The following ADAMTS19 variants were observed in gnomAD, a reference collection of about 807,000 sequenced individuals.
The protein encoded by ADAMTS19 is A disintegrin and metalloproteinase with thrombospondin motifs 19.
ADAMTS19 carries 93 observed loss-of-function variants against 153.3 expected under a neutral mutation model. That is an observed-to-expected ratio of 0.61 (90% CI 0.51 to 0.72). ADAMTS19 has a LOEUF of 0.72. Among genes scored for constraint, ADAMTS19 ranks in the 30% least tolerant of loss-of-function variants. The pLI is 0.00. For synonymous variants in ADAMTS19, 600 were observed against 556.6 expected, an observed-to-expected ratio of 1.08 and a Z score of -1.10; for missense variants, 1,482 against 1,552.1, an observed-to-expected ratio of 0.95 and a Z score of 0.76.
chr5:129,606,645 T>G (rs1750909529), intron 8 of ADAMTS19, among the ~76,000 whole-genome samples: 1 of 152,212 alleles, frequency 6.6e-6, no homozygotes, highest in African/African-American at 2.4e-5. Flanking sequence ...AATTTGAAAT[T>G]CCTTAGCCTG....
intron 6 of ADAMTS19, among the ~76,000 whole-genome samples, chr5:129,533,571 G>C (rs984206442): frequency 6.6e-6 from 1 of 152,058 alleles, no homozygotes; most frequent in Non-Finnish European, 1.5e-5. Flanking sequence ...TTTTTTGAAG[G>C]ATTTTTTTGA....
intron 6 of ADAMTS19, among the ~76,000 whole-genome samples, chr5:129,547,707 G>A (rs186827974): frequency 0.025 from 3,782 of 150,398 alleles, 351 homozygotes; most frequent in African/African-American, 0.085. Flanking sequence ...AAAAGAGCCC[G>A]CATTGCCAAG....
chr5:129,549,663 A>C (rs1178446289), intron 6 of ADAMTS19, among the ~76,000 whole-genome samples: 1 of 151,318 alleles, frequency 6.6e-6, no homozygotes, highest in Non-Finnish European at 1.5e-5. Context: ...AGTATTGATT[A>C]TTCTACTTAA....
At chr5:129,685,937 C>T (rs778357548) in intron 18 of ADAMTS19, among the ~76,000 whole-genome samples, 14 of 152,000 alleles carry the variant, frequency 9.2e-5, no homozygotes, top group Non-Finnish European at 1.5e-4. Context: ...GATAGGTGTT[C>T]GGAAGTTACA....
rs1753014056 is a variant in ADAMTS19, at chr5:129,549,920, ATG to A, written c.1329-1942_1329-1941del. Among the ~76,000 whole-genome samples, 3 of 126,592 alleles carry A rather than the reference ATG, an allele frequency of 2.4e-5. No individual in the cohort carries two copies. The Admixed American group carries it at 2.4e-4, about 10-fold the overall frequency. The allele number at this position is 126,592 out of a possible 152,430, so 83.0% of individuals were successfully genotyped here. ...TATACATGTATCCGTATATGTATAT[ATG>A]TATCTATATATACATATACATGTAT... is the stretch of plus-strand genomic sequence containing the variant. On this transcript the variant is annotated intron_variant, in intron 6 of 22. Coordinates refer to ENST00000274487, the MANE Select transcript of ADAMTS19 (RefSeq NM_133638.6).
chr5:129,707,643 C>G (rs1301639052), intron 21 of ADAMTS19, among the ~76,000 whole-genome samples: 2 of 152,136 alleles, frequency 1.3e-5, no homozygotes, highest in African/African-American at 4.8e-5. Context: ...AGAGAAAACA[C>G]ACAAATCTCT....
intron 21 of ADAMTS19, among the ~76,000 whole-genome samples, chr5:129,721,073 G>T (rs1756987654): frequency 6.6e-6 from 1 of 152,178 alleles, no homozygotes; most frequent in Admixed American, 6.5e-5. Context: ...TTAGAAATTT[G>T]TGGATGGCTA....
At position 129,574,882 on chromosome 5, in the gene ADAMTS19, TTTA is replaced by T. The variant is rs1184011617; in HGVS notation, c.1373-21676_1373-21674del. 2.0e-5 allele frequency among the ~76,000 whole-genome samples: 3 copies of T among 151,796 alleles called. No homozygotes were observed. In the East Asian group the frequency reaches 5.8e-4, roughly 29 times the overall value. On this transcript the variant is annotated intron_variant, in intron 7 of 22. Transcript: ENST00000274487. ...TTGAAAAAAAAAATTAACGTGTTTA[TTTA>T]CTATGGCAATTTCCTCAATGTACAA... is the stretch of plus-strand genomic sequence containing the variant.
At chr5:129,676,052 T>A (rs770184191) in intron 16 of ADAMTS19, among the ~76,000 whole-genome samples, 24 of 151,634 alleles carry the variant, frequency 1.6e-4, no homozygotes, top group East Asian at 3.9e-4. Context: ...ATAATAATAA[T>A]AAAAAAAAGC....
chr5:129,507,661 C>CGT (rs71749669), intron 2 of ADAMTS19, among the ~76,000 whole-genome samples: 2,038 of 142,292 alleles, frequency 0.014, 27 homozygotes, highest in African/African-American at 0.03. Flanking sequence ...TGCCTGTGTA[C>CGT]GTGTGTGTGT....
chr5:129,553,019 C>T (rs987494402), intron 7 of ADAMTS19, among the ~76,000 whole-genome samples: 3 of 152,082 alleles, frequency 2.0e-5, no homozygotes, highest in African/African-American at 7.2e-5. Context: ...ACTCTCTTGC[C>T]TGCTTCCCCC....
At chr5:129,674,118 C>G (rs1440065035) in intron 16 of ADAMTS19, among the ~76,000 whole-genome samples, 1 of 151,964 alleles carries the variant, frequency 6.6e-6, no homozygotes, top group Non-Finnish European at 1.5e-5. Context: ...GTAATCCCAG[C>G]TACTCAGGAG....
intron 13 of ADAMTS19, among the ~76,000 whole-genome samples, chr5:129,653,361 C>T (rs757165534): frequency 2.0e-5 from 3 of 152,114 alleles, no homozygotes; most frequent in Admixed American, 6.6e-5. Context: ...CTAGTGTTAC[C>T]AAATACTGCA....
intron 7 of ADAMTS19, among the ~76,000 whole-genome samples, chr5:129,581,756 C>A (rs1296152292): frequency 6.6e-6 from 1 of 152,150 alleles, no homozygotes; most frequent in Non-Finnish European, 1.5e-5. Context: ...ATAAATTTCC[C>A]TCTAAATACT....
chr5:129,628,125 A>T (rs1435247371), intron 10 of ADAMTS19, among the ~76,000 whole-genome samples: 2 of 152,144 alleles, frequency 1.3e-5, no homozygotes. Flanking sequence ...GCAGCAATAA[A>T]AAAGAATGAG....
intron 7 of ADAMTS19, among the ~76,000 whole-genome samples, chr5:129,578,412 A>G (rs1749308113): frequency 6.8e-6 from 1 of 147,544 alleles, no homozygotes; most frequent in Non-Finnish European, 1.5e-5. Context: ...ATATGTACGT[A>G]TACGTACATA....
At chr5:129,493,503 G>GC (rs1750835157) in intron 2 of ADAMTS19, among the ~76,000 whole-genome samples, 1 of 151,596 alleles carries the variant, frequency 6.6e-6, no homozygotes, top group African/African-American at 2.4e-5. Flanking sequence ...CAACTAAGAT[G>GC]CTTTGTAATT....
chr5:129,623,416 C>G (rs973768818), intron 10 of ADAMTS19, among the ~76,000 whole-genome samples: 5 of 152,050 alleles, frequency 3.3e-5, no homozygotes, highest in African/African-American at 1.2e-4. Context: ...AAACTGATAA[C>G]CACACTGAGA....
chr5:129,563,680 G>A (rs1316571550), intron 7 of ADAMTS19, among the ~76,000 whole-genome samples: 1 of 152,074 alleles, frequency 6.6e-6, no homozygotes, highest in Non-Finnish European at 1.5e-5. Context: ...AATATTTAGA[G>A]GTCTTCACAT....
Sources: gnomAD v4.1 joint callset for allele counts (sites outside exome capture counted in the v4.1 genomes callset) on GRCh38, gnomAD v4.1.1 for gene constraint, MANE v1.5 for transcripts, NCBI Gene and HGNC (gene_info 2026-07-23, HGNC 2026-07-21) for gene names.